Variants in AKAP13 observed in about 807,000 individuals in gnomAD.
The protein encoded by AKAP13 is A-kinase anchor protein 13.
A neutral mutation model predicts 264.5 loss-of-function variants in AKAP13; 80 were observed. That is an observed-to-expected ratio of 0.30 (90% confidence interval 0.25 to 0.36). The LOEUF is 0.36. Ranked by LOEUF, AKAP13 falls within the 10% of genes least tolerant of loss-of-function variation. The probability of loss-of-function intolerance (pLI) is 1.00; values close to 1 mark genes in which losing one functional copy is unlikely to be tolerated. For synonymous variants in AKAP13, 1,380 were observed against 1,250.2 expected, an observed-to-expected ratio of 1.10 and a Z score of -2.19; for missense variants, 3,712 against 3,435.2, an observed-to-expected ratio of 1.08 and a Z score of -2.01.
At chr15:85,660,477 A>G (rs1285750176) in intron 12 of AKAP13, among the ~76,000 whole-genome samples, 2 of 152,100 alleles carry the variant, frequency 1.3e-5, no homozygotes, top group Admixed American at 1.3e-4. Context: ...CCTGGAAGTA[A>G]AGGAACATTT....
chr15:85,660,091 G>A (rs541267940), intron 12 of AKAP13, among the ~76,000 whole-genome samples: 3 of 152,200 alleles, frequency 2.0e-5, no homozygotes, highest in East Asian at 1.9e-4. Flanking sequence ...GGTGGCTCAC[G>A]CCTGTAATCC....
chr15:85,718,209 AT>A lies in AKAP13; in HGVS notation c.6001+55del. ...TTATATTTGATTTCCATTGTCCAGC[AT>A]TTTTAAGCAGTAATTTGTTGGACTA... On this transcript the variant is annotated intron_variant, in intron 22 of 36. Transcript: ENST00000394518. This position sits in a 1 kb window ranked among gnomAD's most constrained non-coding sequence, Gnocchi z 4.9. 1 of 1,590,374 alleles carries A rather than the reference AT, an allele frequency of 6.3e-7. No homozygotes were observed. The highest frequency in any genetic ancestry group is 8.6e-7 in the Non-Finnish European group (1 of 1,165,338).
intron 1 of AKAP13, among the ~76,000 whole-genome samples, chr15:85,416,121 G>A (rs1422916704): frequency 3.3e-5 from 5 of 152,182 alleles, no homozygotes; most frequent in Non-Finnish European, 7.3e-5. Context: ...AAAATTTTGA[G>A]AGCATTAAAG....
chr15:85,401,486 A>G (rs1282701529), intron 1 of AKAP13, among the ~76,000 whole-genome samples: 1 of 152,188 alleles, frequency 6.6e-6, no homozygotes, highest in Non-Finnish European at 1.5e-5. Flanking sequence ...TCTCTGTTAC[A>G]ACAGCATTAT....
At chr15:85,701,139 G>A (rs368591330) in intron 17 of AKAP13, 1 of 152,172 alleles carries the variant, frequency 6.6e-6, no homozygotes, top group East Asian at 1.9e-4. Flanking sequence ...ATAGTGGATT[G>A]GCTACTGGTT....
intron 1 of AKAP13, among the ~76,000 whole-genome samples, chr15:85,418,505 A>G (rs931396624): frequency 2.6e-5 from 4 of 152,208 alleles, no homozygotes; most frequent in African/African-American, 7.2e-5. Context: ...TGGTGGCTCT[A>G]TAATGGGATT....
chr15:85,440,343 T>C (rs1020470256), intron 1 of AKAP13, among the ~76,000 whole-genome samples: 6 of 152,214 alleles, frequency 3.9e-5, no homozygotes, highest in African/African-American at 1.4e-4. Flanking sequence ...GAAAACTTTT[T>C]CTTAATTTAA....
At chr15:85,728,050 C>T (rs2087723905) in intron 29 of AKAP13, among the ~76,000 whole-genome samples, 1 of 152,198 alleles carries the variant, frequency 6.6e-6, no homozygotes, top group Non-Finnish European at 1.5e-5. Context: ...TCGAGGCCCA[C>T]AGAGGACAAG....
At chr15:85,737,702 A>G (rs1018908836) in intron 33 of AKAP13, among the ~76,000 whole-genome samples, 1 of 152,166 alleles carries the variant, frequency 6.6e-6, no homozygotes, top group Non-Finnish European at 1.5e-5. Flanking sequence ...CTGCTGCTTG[A>G]AATTAGCTCA....
At chr15:85,607,639 GT>G (rs2080414491) in intron 8 of AKAP13, among the ~76,000 whole-genome samples, 1 of 152,124 alleles carries the variant, frequency 6.6e-6, no homozygotes, top group Non-Finnish European at 1.5e-5. Flanking sequence ...TTCCTTTGAT[GT>G]TTCCTGTATG....
At chr15:85,554,377 C>T (rs964432263) in intron 5 of AKAP13, among the ~76,000 whole-genome samples, 2 of 152,140 alleles carry the variant, frequency 1.3e-5, no homozygotes, top group African/African-American at 4.8e-5. Context: ...ATTTCAGGTG[C>T]GTATGAATAT....
intron 4 of AKAP13, among the ~76,000 whole-genome samples, chr15:85,542,170 C>T (rs1262449819): frequency 6.6e-6 from 1 of 152,154 alleles, no homozygotes. Flanking sequence ...TCTATTTGTC[C>T]TTTTGTCTGG....
chr15:85,529,133 ACCCTG>A (rs1332610772), intron 3 of AKAP13, among the ~76,000 whole-genome samples: 4 of 151,876 alleles, frequency 2.6e-5, no homozygotes, highest in African/African-American at 9.7e-5. Flanking sequence ...ATTGTTAATA[ACCCTG>A]CAGTTGGCCA....
At chr15:85,691,009 G>A (rs2085252790) in intron 16 of AKAP13, among the ~76,000 whole-genome samples, 1 of 152,148 alleles carries the variant, frequency 6.6e-6, no homozygotes, top group African/African-American at 2.4e-5. Flanking sequence ...ATTTTTAGCT[G>A]TTATTTATTA....
At chr15:85,690,373 A>G (rs938144846) in intron 16 of AKAP13, among the ~76,000 whole-genome samples, 2 of 152,236 alleles carry the variant, frequency 1.3e-5, no homozygotes, top group Admixed American at 1.3e-4. Flanking sequence ...CATTTTATGC[A>G]TGGAAAAACC....
chr15:85,398,641 T>C (rs1429419184), intron 1 of AKAP13, among the ~76,000 whole-genome samples: 4 of 152,170 alleles, frequency 2.6e-5, no homozygotes, highest in Admixed American at 2.0e-4. Flanking sequence ...GTGCAACCTC[T>C]GCCTCCCAGG....
At chr15:85,739,351 AT>A (rs1179176478) in intron 33 of AKAP13, among the ~76,000 whole-genome samples, 3 of 152,138 alleles carry the variant, frequency 2.0e-5, no homozygotes, top group African/African-American at 7.2e-5. Flanking sequence ...TTTATTTTGC[AT>A]TTATTTGATT....
chr15:85,541,181 A>G (rs1322732648), intron 4 of AKAP13, among the ~76,000 whole-genome samples: 2 of 152,260 alleles, frequency 1.3e-5, no homozygotes, highest in Non-Finnish European at 2.9e-5. Context: ...TTCATTGTAT[A>G]TAAATCACCT....
chr15:85,701,513 C>T (rs2151666741), intron 17 of AKAP13, among the ~76,000 whole-genome samples: 1 of 152,274 alleles, frequency 6.6e-6, no homozygotes, highest in African/African-American at 2.4e-5. Context: ...AATCTCGGCT[C>T]ACTGCAACCT....
Sources: gnomAD v4.1 joint callset for allele counts (sites outside exome capture counted in the v4.1 genomes callset) on GRCh38, gnomAD v4.1.1 for gene constraint, Gnocchi (gnomAD v3.1) non-coding constraint, MANE v1.5 for transcripts, NCBI Gene and HGNC (gene_info 2026-07-23, HGNC 2026-07-21) for gene names.